Variants in DYM observed in about 807,000 individuals in gnomAD.
DYM encodes the protein dyggve-Melchior-Clausen syndrome protein.
DYM carries 78 observed loss-of-function variants against 93.1 expected under a neutral mutation model. That is an observed-to-expected ratio of 0.84 (90% CI 0.70 to 1.01). DYM has a LOEUF of 1.01. DYM is among the 50% of genes least tolerant of loss of function. DYM has a pLI of 0.00. For missense variants in DYM, 789 were observed against 845.0 expected, an observed-to-expected ratio of 0.93 and a Z score of 0.82; for synonymous variants, 321 against 319.7, an observed-to-expected ratio of 1.00 and a Z score of -0.04.
chr18:49,161,036 C>A (rs968115083), intron 15 of DYM, among the ~76,000 whole-genome samples: 4 of 151,440 alleles, frequency 2.6e-5, no homozygotes, highest in African/African-American at 7.3e-5. Context: ...AGTTCATAAA[C>A]CCATTTGGAA....
chr18:49,200,852 T>C (rs1275692548), intron 14 of DYM, among the ~76,000 whole-genome samples: 1 of 152,144 alleles, frequency 6.6e-6, no homozygotes, highest in Non-Finnish European at 1.5e-5. Flanking sequence ...ACATACTTCT[T>C]TGTGGTAAGA....
At chr18:49,126,878 CAT>C in intron 15 of DYM, among the ~76,000 whole-genome samples, 1 of 152,286 alleles carries the variant, frequency 6.6e-6, no homozygotes, top group Non-Finnish European at 1.5e-5. Flanking sequence ...ACTCAGAACT[CAT>C]GTTTCTTAGT....
At chr18:49,268,754 T>A (rs541526560) in intron 11 of DYM, among the ~76,000 whole-genome samples, 396 of 144,750 alleles carry the variant, frequency 2.7e-3, no homozygotes, top group Non-Finnish European at 4.6e-3. Context: ...GTGTTTTATA[T>A]GCATGTTATA....
At chr18:49,083,166 T>C (rs1160997377) in intron 17 of DYM, among the ~76,000 whole-genome samples, 1 of 152,160 alleles carries the variant, frequency 6.6e-6, no homozygotes, top group Non-Finnish European at 1.5e-5. Context: ...AATAAGTGGG[T>C]GTAGCTGTGT....
At chr18:49,047,720 T>C (rs1463473203) in intron 17 of DYM, among the ~76,000 whole-genome samples, 2 of 152,078 alleles carry the variant, frequency 1.3e-5, no homozygotes, top group Non-Finnish European at 2.9e-5. Flanking sequence ...CAGCCCGACA[T>C]GGGGTTCTCA....
At chr18:49,182,855 C>G (rs1396048469) in intron 14 of DYM, among the ~76,000 whole-genome samples, 1 of 152,146 alleles carries the variant, frequency 6.6e-6, no homozygotes, top group Non-Finnish European at 1.5e-5. Context: ...CCCAGTGTCT[C>G]CAAAGTCCCT....
intron 2 of DYM, among the ~76,000 whole-genome samples, chr18:49,396,849 G>T (rs890313524): frequency 6.6e-6 from 1 of 152,180 alleles, no homozygotes; most frequent in African/African-American, 2.4e-5. Context: ...TCACTCATCT[G>T]TGAAAACTTA....
chr18:49,178,278 G>A (rs1447252939), intron 14 of DYM, among the ~76,000 whole-genome samples: 2 of 152,140 alleles, frequency 1.3e-5, no homozygotes, highest in Non-Finnish European at 2.9e-5. Flanking sequence ...AAATCTAAGA[G>A]TAGTGTGACC....
At chr18:49,113,627 C>G (rs543265310) in intron 16 of DYM, among the ~76,000 whole-genome samples, 1 of 152,218 alleles carries the variant, frequency 6.6e-6, no homozygotes, top group African/African-American at 2.4e-5. Context: ...TTTTCTTCTA[C>G]AGTCTTTCAC....
At chr18:49,148,478 G>A (rs1462819895) in intron 15 of DYM, among the ~76,000 whole-genome samples, 6 of 151,650 alleles carry the variant, frequency 4.0e-5, no homozygotes, top group Admixed American at 1.3e-4. Flanking sequence ...GGCTGGTCTC[G>A]AACTCCCAGG....
intron 6 of DYM, 98 bp from the exon 7 acceptor site, chr18:49,333,951 T>C (rs1213825270): frequency 1.6e-6 from 2 of 1,284,906 alleles, no homozygotes; most frequent in African/African-American, 3.0e-5. Context: ...AATCTAAATA[T>C]TCAGTATTTT....
chr18:49,228,085 T>C (rs2093590452), intron 13 of DYM, among the ~76,000 whole-genome samples: 1 of 152,202 alleles, frequency 6.6e-6, no homozygotes, highest in Admixed American at 6.5e-5. Context: ...TCAATAATCA[T>C]AGAATCTTTG....
In DYM at chr18:49,041,184, C is replaced by T. The variant is rs983440441; in HGVS notation, c.*2871G>A. Reference sequence around the variant, plus strand: ...ATAGATTGTATGACACCAGCCTCAACGGGTGACTGTGGGAACTAGAGTTAG... The same window carrying T: ...ATAGATTGTATGACACCAGCCTCAATGGGTGACTGTGGGAACTAGAGTTAG... On this transcript the variant is annotated 3_prime_UTR_variant, in exon 18 of 18. Coordinates refer to ENST00000675505, the MANE Select transcript of DYM (RefSeq NM_001353214.3). 6.6e-6 allele frequency among the ~76,000 whole-genome samples: 1 copy of T among 152,306 alleles called. No individual in the cohort carries two copies. The highest frequency in any genetic ancestry group is 3.4e-3 in the Middle Eastern group (1 of 294).
intron 14 of DYM, among the ~76,000 whole-genome samples, chr18:49,182,397 C>A (rs942349526): frequency 1.3e-5 from 2 of 152,166 alleles, no homozygotes; most frequent in Non-Finnish European, 2.9e-5. Context: ...ATATTGAAAG[C>A]TCCAACTATA....
chr18:49,044,310 C>A, intron 17 of DYM, 106 bp from the exon 18 acceptor site: 1 of 1,223,892 alleles, frequency 8.2e-7, no homozygotes, highest in Non-Finnish European at 1.2e-6. Context: ...CCACCCACCC[C>A]TGCCAACTGG....
At chr18:49,149,881 A>AT (rs374626399) in intron 15 of DYM, among the ~76,000 whole-genome samples, 1 of 151,340 alleles carries the variant, frequency 6.6e-6, no homozygotes, top group Non-Finnish European at 1.5e-5. Flanking sequence ...TAATTTTTGT[A>AT]TTTTTTTAGT....
chr18:49,075,628 A>T (rs2077238202), intron 17 of DYM, among the ~76,000 whole-genome samples: 1 of 152,192 alleles, frequency 6.6e-6, no homozygotes, highest in African/African-American at 2.4e-5. Context: ...AACTATAGAC[A>T]CATAGTCCCA....
In DYM at chr18:49,166,998, G is replaced by A. The variant is rs1457759028; in HGVS notation, c.1626-3211C>T. Among the ~76,000 whole-genome samples, 4 of 29,178 alleles carry A rather than the reference G, an allele frequency of 1.4e-4. 1 individual carries two copies. The Middle Eastern group carries it at 0.045, about 332-fold the overall frequency. 19.1% of individuals were successfully genotyped at this position (29,178 alleles called of 152,430 possible). ...GTTCATTCTCACATTCCGTGTGTGTGTGTGTGTGTGTGTGTGTGTGTGTGT... is the reference window on the plus strand; with the variant it reads ...GTTCATTCTCACATTCCGTGTGTGTATGTGTGTGTGTGTGTGTGTGTGTGT... On this transcript the variant is annotated intron_variant, in intron 14 of 17. Coordinates refer to ENST00000675505, the MANE Select transcript of DYM (RefSeq NM_001353214.3).
At chr18:49,092,971 G>A (rs1254475679) in intron 17 of DYM, among the ~76,000 whole-genome samples, 1 of 152,202 alleles carries the variant, frequency 6.6e-6, no homozygotes, top group Admixed American at 6.5e-5. Context: ...AGTGAATAAG[G>A]AGAGTTGAAG....
Sources: gnomAD v4.1 joint callset for allele counts (sites outside exome capture counted in the v4.1 genomes callset) on GRCh38, gnomAD v4.1.1 for gene constraint, MANE v1.5 for transcripts, NCBI Gene and HGNC (gene_info 2026-07-23, HGNC 2026-07-21) for gene names.